The following DIAPH2 variants were observed in gnomAD, a reference collection of about 807,000 sequenced individuals.
DIAPH2 encodes protein diaphanous homolog 2.
Under a neutral mutation model 92.7 loss-of-function variants are expected in DIAPH2, and 35 were observed. That is an observed-to-expected ratio of 0.38 (90% confidence interval 0.29 to 0.50). The LOEUF is 0.50. Ranked by LOEUF, DIAPH2 falls within the 20% of genes least tolerant of loss-of-function variation. The pLI, the probability that DIAPH2 is intolerant of heterozygous loss-of-function variation, is 0.94. For synonymous variants in DIAPH2, 301 were observed against 280.4 expected (o/e 1.07, Z -0.73); for missense variants, 701 against 819.5 (o/e 0.86, Z 1.77).
At chrX:96,740,367 AAC>A (rs1156945945) in intron 3 of DIAPH2, among the ~76,000 whole-genome samples, 2 of 112,533 alleles carry the variant, frequency 1.8e-5, no homozygotes, top group Non-Finnish European at 3.8e-5. Flanking sequence ...GACAGCAACA[AAC>A]ACAGAAACAT....
chrX:97,539,107 C>G (rs2071119887), intron 26 of DIAPH2, among the ~76,000 whole-genome samples: 1 of 111,774 alleles, frequency 8.9e-6, no homozygotes, highest in Non-Finnish European at 1.9e-5. Context: ...GTAACCCGAT[C>G]AAAAGAATTA....
At chrX:97,260,887 C>G (rs1045019424) in intron 23 of DIAPH2, among the ~76,000 whole-genome samples, 2 of 111,922 alleles carry the variant, frequency 1.8e-5, no homozygotes, top group African/African-American at 6.5e-5. Context: ...AGCTTAACTA[C>G]AGTGGTTTCC....
chrX:96,809,336 G>A (rs761278619), intron 4 of DIAPH2, among the ~76,000 whole-genome samples: 29 of 98,959 alleles, frequency 2.9e-4, no homozygotes, highest in African/African-American at 9.9e-4. Flanking sequence ...AAAAAAAAAT[G>A]TGGTTAAAAA....
chrX:97,587,555 C>A (rs2071487570), intron 26 of DIAPH2, among the ~76,000 whole-genome samples: 1 of 111,959 alleles, frequency 8.9e-6, no homozygotes, highest in Admixed American at 9.5e-5. Context: ...AGAGTTAGAA[C>A]CTTGATAAAT....
chrX:97,562,460 C>T (rs1703853409), intron 26 of DIAPH2, among the ~76,000 whole-genome samples: 1 of 109,843 alleles, frequency 9.1e-6, no homozygotes, highest in African/African-American at 3.3e-5. Flanking sequence ...GAACCGAGAT[C>T]GCGCCACTGC....
At chrX:96,692,619 G>A (rs6615839) in intron 1 of DIAPH2, among the ~76,000 whole-genome samples, 20,903 of 111,292 alleles carry the variant, frequency 0.19, 1,485 homozygotes, top group East Asian at 0.32. Context: ...TGGAACAGCT[G>A]TTATGTACCA....
At chrX:97,400,965 C>G (rs2069751352) in intron 25 of DIAPH2, among the ~76,000 whole-genome samples, 1 of 107,311 alleles carries the variant, frequency 9.3e-6, no homozygotes. Context: ...CTCCTGGGCT[C>G]AAGTGATCCT....
At chrX:97,084,833 T>C (rs2066772349) in intron 19 of DIAPH2, among the ~76,000 whole-genome samples, 1 of 111,644 alleles carries the variant, frequency 9.0e-6, no homozygotes. Context: ...CAGAATGCCA[T>C]CAAAACCTTT....
intron 22 of DIAPH2, among the ~76,000 whole-genome samples, chrX:97,178,507 C>T (rs368322193): frequency 2.4e-4 from 20 of 83,187 alleles, no homozygotes; most frequent in African/African-American, 1.0e-3. Context: ...GGCTGGAGTG[C>T]AGTGGCACAA....
At chrX:97,392,166 A>G (rs1661690504) in intron 25 of DIAPH2, among the ~76,000 whole-genome samples, 1 of 111,959 alleles carries the variant, frequency 8.9e-6, no homozygotes, top group South Asian at 3.7e-4. Context: ...CTGTTGCCTT[A>G]TCTCTTCATG....
intron 4 of DIAPH2, among the ~76,000 whole-genome samples, chrX:96,846,973 G>T (rs1041118466): frequency 9.0e-6 from 1 of 110,932 alleles, no homozygotes. Context: ...CTTGTTAGAG[G>T]ATTTCTTGGC....
intron 17 of DIAPH2, among the ~76,000 whole-genome samples, chrX:97,041,800 ATCTT>A (rs1257448185): frequency 9.0e-6 from 1 of 111,701 alleles, no homozygotes; most frequent in Non-Finnish European, 1.9e-5. Flanking sequence ...GAGTTAATTC[ATCTT>A]TCTTTCTGGT....
intron 25 of DIAPH2, among the ~76,000 whole-genome samples, chrX:97,427,657 GTTTTGTTTTTGTTTTTGTTTTTGT>G (rs60989289): frequency 1.0e-5 from 1 of 97,406 alleles, no homozygotes; most frequent in South Asian, 5.6e-4. Context: ...TGTTTTGTTT[GTTTTGTTTTTGTTTTTGTTTTTGT>G]TTTTGTTTTT....
chrX:97,127,912 G>A (rs982707246), intron 21 of DIAPH2, among the ~76,000 whole-genome samples: 1 of 111,029 alleles, frequency 9.0e-6, no homozygotes, highest in African/African-American at 3.3e-5. Context: ...GGAGGCTGAG[G>A]TGGGAGGATT....
chrX:96,723,590 A>T (rs1055787654), intron 1 of DIAPH2, among the ~76,000 whole-genome samples: 15 of 111,997 alleles, frequency 1.3e-4, no homozygotes, highest in African/African-American at 4.9e-4. Context: ...TTTTTATAGG[A>T]TTTTAATAAG....
At chrX:97,208,900 T>TTCCCCAG (rs1217344587) in intron 22 of DIAPH2, among the ~76,000 whole-genome samples, 1 of 110,642 alleles carries the variant, frequency 9.0e-6, no homozygotes, top group Non-Finnish European at 1.9e-5. Context: ...TAAGGTTCTT[T>TTCCCCAG]TCCCCAGTCT....
chrX:97,132,559 T>A (rs1451156385), intron 21 of DIAPH2, among the ~76,000 whole-genome samples: 4 of 111,870 alleles, frequency 3.6e-5, no homozygotes, highest in Non-Finnish European at 7.5e-5. Flanking sequence ...AGAACTTAAT[T>A]TTGTTTAAAT....
At chrX:97,142,870 T>G (rs1371003984) in intron 22 of DIAPH2, among the ~76,000 whole-genome samples, 1 of 111,742 alleles carries the variant, frequency 8.9e-6, no homozygotes, top group African/African-American at 3.3e-5. Flanking sequence ...ACAAACCATA[T>G]AAACCTGTTA....
intron 26 of DIAPH2, among the ~76,000 whole-genome samples, chrX:97,560,982 A>G (rs913556689): frequency 8.9e-6 from 1 of 112,097 alleles, no homozygotes; most frequent in Non-Finnish European, 1.9e-5. Flanking sequence ...ACACATTACC[A>G]TGCATTTCAG....
Sources: gnomAD v4.1 joint callset for allele counts (sites outside exome capture counted in the v4.1 genomes callset) on GRCh38, gnomAD v4.1.1 for gene constraint, MANE v1.5 for transcripts, NCBI Gene and HGNC (gene_info 2026-07-23, HGNC 2026-07-21) for gene names.